BTG1: variants seen among roughly 807,000 people sequenced by gnomAD.
BTG1 encodes the protein BTG anti-proliferation factor 1, also known as protein BTG1.
In BTG1, 2 loss-of-function variants were observed where a neutral mutation model predicts 15.2. That is an observed-to-expected ratio of 0.13 (90% CI 0.05 to 0.41). The LOEUF (loss-of-function observed/expected upper bound fraction) is 0.41. Ranked by LOEUF, BTG1 falls within the 10% of genes least tolerant of loss-of-function variation. The probability of loss-of-function intolerance (pLI) is 0.99; values close to 1 mark genes in which losing one functional copy is unlikely to be tolerated. For synonymous variants in BTG1, 109 were observed against 82.4 expected (o/e 1.32, Z -1.75); for missense variants, 149 against 215.0 (o/e 0.69, Z 1.92).
chr12:92,145,599 G>T lies in BTG1; in HGVS notation c.-64C>A. On this transcript the variant is annotated 5_prime_UTR_variant, in exon 1 of 2. Coordinates refer to ENST00000256015, the MANE Select transcript of BTG1 (RefSeq NM_001731.3). ...TCGGCGGCGCGGCCCCGACGGCGGA[G>T]CAGCCACCCCGGGCTTCCTCACCGG... is the stretch of plus-strand genomic sequence containing the variant. 1 of 1,199,334 alleles carries T rather than the reference G, an allele frequency of 8.3e-7. No individual in the cohort carries two copies. Among genetic ancestry groups the T allele is most frequent in the Non-Finnish European group, 1.1e-6 (1 of 944,760 alleles). 74.3% of individuals were successfully genotyped at this position (1,199,334 alleles called of 1,614,324 possible). A position where few individuals can be genotyped will look rare whatever the true frequency, so the allele number is the denominator to read the frequency against.
chr12:92,142,757 AT>A lies in BTG1; in HGVS notation c.*1322del, dbSNP rs1870332344. On this transcript the variant is annotated 3_prime_UTR_variant, in exon 2 of 2. Transcript: ENST00000256015. ...AAATTTCTAATTGAACAAAGAATCC[AT>A]GGGGCAAAGTAATTGTTTTTCAAAG... 1 of 232,986 alleles carries A rather than the reference AT, an allele frequency of 4.3e-6. No homozygotes were observed. Among genetic ancestry groups the A allele is most frequent in the South Asian group, 1.8e-4 (1 of 5,532 alleles). The allele number at this position is 232,986 out of a possible 1,614,324, so 14.4% of individuals were successfully genotyped here. A position where few individuals can be genotyped will look rare whatever the true frequency, so the allele number is the denominator to read the frequency against.
Position 92,142,780 on chromosome 12 carries a change from A to T in BTG1, c.*1300T>A, listed in dbSNP as rs1870333901. 1 of 233,092 alleles carries T rather than the reference A, an allele frequency of 4.3e-6. No homozygotes were observed. Among genetic ancestry groups the T allele is most frequent in the Non-Finnish European group, 8.5e-6 (1 of 117,974 alleles). The allele number at this position is 233,092 out of a possible 1,614,324, so 14.4% of individuals were successfully genotyped here. On this transcript the variant is annotated 3_prime_UTR_variant, in exon 2 of 2. Transcript: ENST00000256015. The stretch of plus-strand genomic sequence containing the variant: ...CCATGGGGCAAAGTAATTGTTTTTC[A>T]AAGGTGGGTCAGAATGGAACATTTA...
Position 92,145,482 on chromosome 12 carries a change from G to A in BTG1, c.54C>T (p.Ala18=). ...GGAGAAACTTGGAGATGAAGGACAC[G>A]GCGGCGGCGATCTCGCCTATCATGG... The part of the protein sequence containing the change: ...AATMIGEIAA[A]VSFISKFLRT... Residue 18 remains alanine, a synonymous_variant, in exon 1 of 2, where the codon GCC becomes GCT. Coordinates refer to ENST00000256015, the MANE Select transcript of BTG1 (RefSeq NM_001731.3). 6.3e-7 allele frequency: 1 copy of A among 1,588,186 alleles called. No individual in the cohort carries two copies. Among genetic ancestry groups the A allele is most frequent in the Non-Finnish European group, 8.6e-7 (1 of 1,168,910 alleles).
rs1191746127 is a variant in BTG1, at chr12:92,145,828, T to A, written c.-293A>T. On this transcript the variant is annotated 5_prime_UTR_variant, in exon 1 of 2. An upstream start codon of the reference 5' UTR is lost. Coordinates refer to ENST00000256015, the MANE Select transcript of BTG1 (RefSeq NM_001731.3). ...GCATTCGAAGATCTCAATAGCTGCA[T>A]TTCCAGCTCCGAGAGGCGAAGAGAT... 4.1e-6 allele frequency: 1 copy of A among 242,456 alleles called. No individual in the cohort carries two copies. The highest frequency in any genetic ancestry group is 2.2e-5 in the African/African-American group (1 of 45,104). 15.0% of individuals were successfully genotyped at this position (242,456 alleles called of 1,614,324 possible).
In BTG1 at chr12:92,145,593, G is replaced by A. The variant is rs1870538244; in HGVS notation, c.-58C>T. Reference sequence around the variant, plus strand: ...TGGGGCTCGGCGGCGCGGCCCCGACGGCGGAGCAGCCACCCCGGGCTTCCT... The same window carrying A: ...TGGGGCTCGGCGGCGCGGCCCCGACAGCGGAGCAGCCACCCCGGGCTTCCT... On this transcript the variant is annotated 5_prime_UTR_variant, in exon 1 of 2. Transcript: ENST00000256015. The A allele has an allele frequency of 1.5e-5, 18 of 1,224,420 alleles. No homozygotes were observed. The highest frequency in any genetic ancestry group is 1.0e-4 in the South Asian group (3 of 29,048). 75.8% of individuals were successfully genotyped at this position (1,224,420 alleles called of 1,614,324 possible).
In BTG1 at chr12:92,143,984, G is replaced by T; in HGVS notation, c.*96C>A. The T allele has an allele frequency of 6.8e-7, 1 of 1,465,420 alleles. No individual in the cohort carries two copies. Among genetic ancestry groups the T allele is most frequent in the Admixed American group, 2.2e-5 (1 of 46,198 alleles). 90.8% of individuals were successfully genotyped at this position (1,465,420 alleles called of 1,614,324 possible). ...TGCCAGATCTTCACAGCTGTGACAT[G>T]GTTTAAATTCCATAATCCATCCCCA... is the stretch of plus-strand genomic sequence containing the variant. On this transcript the variant is annotated 3_prime_UTR_variant, in exon 2 of 2. Transcript: ENST00000256015.
Position 92,142,559 on chromosome 12 carries a change from G to A in BTG1, c.*1521C>T, listed in dbSNP as rs190527754. ...AATAAAAGTCTGAAAATGAGGAATCGAGAAAGTCAGCATTTCAACTTTTGA... is the reference window on the plus strand; with the variant it reads ...AATAAAAGTCTGAAAATGAGGAATCAAGAAAGTCAGCATTTCAACTTTTGA... On this transcript the variant is annotated 3_prime_UTR_variant, in exon 2 of 2. Transcript: ENST00000256015. 4.3e-6 allele frequency: 1 copy of A among 232,582 alleles called. No homozygotes were observed. Among genetic ancestry groups the A allele is most frequent in the East Asian group, 6.1e-5 (1 of 16,434 alleles). 14.4% of individuals were successfully genotyped at this position (232,582 alleles called of 1,614,324 possible).
intron 1 of BTG1, 139 bp downstream of exon 1, chr12:92,145,249 G>A (rs1037506627): frequency 3.2e-6 from 4 of 1,262,812 alleles, no homozygotes; most frequent in African/African-American, 3.2e-5. Context: ...CGGCCACCCA[G>A]CGCAACCACA....
In BTG1 at chr12:92,140,810, A is replaced by T. The variant is rs1227099619; in HGVS notation, c.*3270T>A. 1 of 232,462 alleles carries T rather than the reference A, an allele frequency of 4.3e-6. No individual in the cohort carries two copies. The highest frequency in any genetic ancestry group is 8.5e-6 in the Non-Finnish European group (1 of 117,622). The allele number at this position is 232,462 out of a possible 1,614,324, so 14.4% of individuals were successfully genotyped here. On this transcript the variant is annotated 3_prime_UTR_variant, in exon 2 of 2. Transcript: ENST00000256015. Reference sequence around the variant, plus strand: ...ATAAGAAATCTATTCAGTTTTAGACAATCCAAGATATACTTTTTGAAGACT... The same window carrying T: ...ATAAGAAATCTATTCAGTTTTAGACTATCCAAGATATACTTTTTGAAGACT...
At chr12:92,144,581 C>T in intron 1 of BTG1, 134 bp from the exon 2 acceptor site, 2 of 1,210,688 alleles carry the variant, frequency 1.7e-6, no homozygotes, top group Non-Finnish European at 2.3e-6. Context: ...GGATTGCATC[C>T]GTTGTTGTGC....
rs551873606 is a variant in BTG1 at position 92,145,747 on chromosome 12, G to A, written c.-212C>T. On this transcript the variant is annotated 5_prime_UTR_variant, in exon 1 of 2. Transcript: ENST00000256015. ...CAGGAGAGAGGAAGAGACGAGCGAT[G>A]GCGGCCTGGTCACATCGCTCGGACC... 17 of 310,626 alleles carry A rather than the reference G, an allele frequency of 5.5e-5. No individual in the cohort carries two copies. Among genetic ancestry groups the A allele is most frequent in the African/African-American group, 2.4e-4 (11 of 46,446 alleles). The allele number at this position is 310,626 out of a possible 1,614,324, so 19.2% of individuals were successfully genotyped here.
Position 92,145,540 on chromosome 12 carries a change from G to C in BTG1, c.-5C>G, listed in dbSNP as rs900733355. ...CCGGGTGTAGAAGGGATGCATGGGG[G>C]CGGCGTGCGGGGGCGGCCCGGGGCG... On this transcript the variant is annotated 5_prime_UTR_variant, in exon 1 of 2. Transcript: ENST00000256015. 2.0e-6 allele frequency: 3 copies of C among 1,493,914 alleles called. No individual in the cohort carries two copies. The highest frequency in any genetic ancestry group is 2.7e-6 in the Non-Finnish European group (3 of 1,116,412). The allele number at this position is 1,493,914 out of a possible 1,614,324, so 92.5% of individuals were successfully genotyped here.
Position 92,140,526 on chromosome 12 carries a change from A to C in BTG1, c.*3554T>G, listed in dbSNP as rs1870138339. 4.3e-6 allele frequency: 1 copy of C among 231,024 alleles called. No homozygotes were observed. Among genetic ancestry groups the C allele is most frequent in the East Asian group, 6.2e-5 (1 of 16,224 alleles). 14.3% of individuals were successfully genotyped at this position (231,024 alleles called of 1,614,324 possible). A position where few individuals can be genotyped will look rare whatever the true frequency, so the allele number is the denominator to read the frequency against. ...AAAGAAAATAAAGATCTATAGGCAT[A>C]ACCAGAAATCAGATCTCATAATGTA... On this transcript the variant is annotated 3_prime_UTR_variant, in exon 2 of 2. Transcript: ENST00000256015.
rs1870544827 is a variant in BTG1, at chr12:92,145,692, T to G, written c.-157A>C. The G allele has an allele frequency of 4.6e-6, 2 of 434,028 alleles. No individual in the cohort carries two copies. The allele number at this position is 434,028 out of a possible 1,614,324, so 26.9% of individuals were successfully genotyped here. ...TACTTTTGTCTTTCTTTCTTTAGAC[T>G]AAAAAAGTTATTTTCGAGACAGGAG... On this transcript the variant is annotated 5_prime_UTR_variant, in exon 1 of 2. Transcript: ENST00000256015.
At position 92,145,398 on chromosome 12, in the gene BTG1, C is replaced by T. The variant is rs200623021; in HGVS notation, c.138G>A (p.Glu46=). 6 of 1,584,146 alleles carry T rather than the reference C, an allele frequency of 3.8e-6. No individual in the cohort carries two copies. Among genetic ancestry groups the T allele is most frequent in the African/African-American group, 2.8e-5 (2 of 71,438 alleles). The part of the protein sequence containing the change: ...QLQTFSQSLQ[E]LLAEHYKHHW... ...CCTCGCCCTGCTCACCTGCCAGCAGCTCCTGCAGGCTCTGGCTGAAGGTCT... is the reference window on the plus strand; with the variant it reads ...CCTCGCCCTGCTCACCTGCCAGCAGTTCCTGCAGGCTCTGGCTGAAGGTCT... The change falls in exon 1 of 2, where the codon GAG becomes GAA. Residue 46 remains glutamate, a synonymous_variant. Coordinates refer to ENST00000256015, the MANE Select transcript of BTG1 (RefSeq NM_001731.3).
chr12:92,143,783 T>C lies in BTG1; in HGVS notation c.*297A>G, dbSNP rs184545170. 3.1e-6 allele frequency: 1 copy of C among 323,800 alleles called. No homozygotes were observed. Among genetic ancestry groups the C allele is most frequent in the Non-Finnish European group, 5.6e-6 (1 of 177,286 alleles). The allele number at this position is 323,800 out of a possible 1,614,324, so 20.1% of individuals were successfully genotyped here. ...TACAGATTTTCTTTAAAAGGATTGA[T>C]GTAAAAATTTAGGTATGTCTGGGAG... On this transcript the variant is annotated 3_prime_UTR_variant, in exon 2 of 2. Coordinates refer to ENST00000256015, the MANE Select transcript of BTG1 (RefSeq NM_001731.3).
Position 92,145,719 on chromosome 12 carries a change from CGG to C in BTG1, c.-186_-185del. The C allele has an allele frequency of 2.8e-6, 1 of 351,610 alleles. No homozygotes were observed. Among genetic ancestry groups the C allele is most frequent in the Non-Finnish European group, 4.9e-6 (1 of 204,104 alleles). The allele number at this position is 351,610 out of a possible 1,614,324, so 21.8% of individuals were successfully genotyped here. ...AAAAAGTTATTTTCGAGACAGGAGG[CGG>C]CAGGAGAGAGGAAGAGACGAGCGAT... is the stretch of plus-strand genomic sequence containing the variant. On this transcript the variant is annotated 5_prime_UTR_variant, in exon 1 of 2. It introduces an in-frame stop codon into an upstream open reading frame of the 5' UTR. Coordinates refer to ENST00000256015, the MANE Select transcript of BTG1 (RefSeq NM_001731.3).
Position 92,142,017 on chromosome 12 carries a change from G to A in BTG1, c.*2063C>T, listed in dbSNP as rs1592655861. On this transcript the variant is annotated 3_prime_UTR_variant, in exon 2 of 2. Coordinates refer to ENST00000256015, the MANE Select transcript of BTG1 (RefSeq NM_001731.3). ...CCATTTAAAAACAACCCTACCTGGT[G>A]TTTTTATTGTAATTCAAGTTTGAAA... 21 of 231,856 alleles carry A rather than the reference G, an allele frequency of 9.1e-5. No homozygotes were observed. In the East Asian group the frequency reaches 1.3e-3, roughly 14 times the overall value. The allele number at this position is 231,856 out of a possible 1,614,324, so 14.4% of individuals were successfully genotyped here.
At chr12:92,144,840 A>T (rs866774014) in intron 1 of BTG1, among the ~76,000 whole-genome samples, 1 of 152,164 alleles carries the variant, frequency 6.6e-6, no homozygotes, top group African/African-American at 2.4e-5. Context: ...TTAACCCCGA[A>T]GGGAAGAAAA....
Sources: gnomAD v4.1 joint callset for allele counts (sites outside exome capture counted in the v4.1 genomes callset) on GRCh38, gnomAD v4.1.1 for gene constraint, MANE v1.5 for transcripts, NCBI Gene and HGNC (gene_info 2026-07-23, HGNC 2026-07-21) for gene names.